The following MYH7B variants were observed in gnomAD, a reference collection of about 807,000 sequenced individuals.
MYH7B encodes myosin-7B.
Under a neutral mutation model 234.5 loss-of-function variants are expected in MYH7B, and 205 were observed. That is an observed-to-expected ratio of 0.87 (90% CI 0.78 to 0.98). The LOEUF (loss-of-function observed/expected upper bound fraction) is 0.98. Among genes scored for constraint, MYH7B ranks in the 50% least tolerant of loss-of-function variants. The probability of loss-of-function intolerance (pLI) is 0.00; values close to 1 mark genes in which losing one functional copy is unlikely to be tolerated. For missense variants in MYH7B, 2,652 were observed against 2,633.4 expected, an observed-to-expected ratio of 1.01 and a Z score of -0.15; for synonymous variants, 1,193 against 1,105.0, an observed-to-expected ratio of 1.08 and a Z score of -1.58.
chr20:34,980,670 C>T lies in MYH7B; in HGVS notation c.435C>T (p.Arg145=), dbSNP rs368402495. The T allele has an allele frequency of 6.6e-5, 107 of 1,614,094 alleles. No homozygotes were observed. The highest frequency in any genetic ancestry group is 8.6e-5 in the Non-Finnish European group (101 of 1,180,036). The change falls in exon 8 of 45, where the codon CGC becomes CGT. Residue 145 remains arginine, a synonymous_variant. Transcript: ENST00000262873. The stretch of plus-strand genomic sequence containing the variant: ...TAGTGGCTGCTTACAAGGGAAAGCG[C>T]CGCTCAGATTCCCCGCCCCATATAT...
At chr20:34,995,541 C>G in exon 28 of MYH7B, 1 of 1,614,130 alleles carries the variant, frequency 6.2e-7, no homozygotes, top group Non-Finnish European at 8.5e-7. Flanking sequence ...CTGACACTGG[C>G]CAAAGCTGAG....
At chr20:34,996,821 T>C in intron 30 of MYH7B, 63 bp downstream of exon 30, 2 of 1,561,244 alleles carry the variant, frequency 1.3e-6, no homozygotes, top group Non-Finnish European at 1.7e-6. Context: ...TGTTCCCTTC[T>C]GGATTCTTGT....
chr20:34,967,058 G>A (rs764018951), intron 2 of MYH7B, among the ~76,000 whole-genome samples: 9 of 150,612 alleles, frequency 6.0e-5, no homozygotes, highest in South Asian at 2.1e-4. Flanking sequence ...GTGAAACCCC[G>A]TCTCTACTAA....
At chr20:34,998,815 C>G (rs781612486) in exon 35 of MYH7B, 1 of 1,612,948 alleles carries the variant, frequency 6.2e-7, no homozygotes, top group Non-Finnish European at 8.5e-7. Flanking sequence ...CCAGGCTGAG[C>G]TGCAGCGGCT....
rs17092206 is a variant in MYH7B at position 34,998,844 on chromosome 20, C to T, written c.4119C>T (p.Ala1373=). 8.3e-3 allele frequency: 13,446 copies of T among 1,613,232 alleles called. 928 individuals are homozygous for T. The African/African-American group carries it at 0.16, about 19-fold the overall frequency. Residue 1373 remains alanine, a synonymous_variant, in exon 35 of 45, where the codon GCC becomes GCT. Transcript: ENST00000262873. Reference sequence around the variant, plus strand: ...AGCGGCTGCTGTCCAAGGCCAATGCCGAGGTGGCCCAGTGGAGGAGCAAGT... The same window carrying T: ...AGCGGCTGCTGTCCAAGGCCAATGCTGAGGTGGCCCAGTGGAGGAGCAAGT...
intron 2 of MYH7B, among the ~76,000 whole-genome samples, chr20:34,959,886 C>T (rs1600401539): frequency 6.6e-6 from 1 of 152,216 alleles, no homozygotes. Flanking sequence ...CGTTATCTCA[C>T]TTTCCCTTAC....
chr20:34,997,199 C>T, intron 31 of MYH7B, 26 bp downstream of exon 31: 1 of 1,551,406 alleles, frequency 6.4e-7, no homozygotes. Flanking sequence ...GTGGGTGAGG[C>T]CTGGGGTCAG....
intron 3 of MYH7B, among the ~76,000 whole-genome samples, chr20:34,976,467 C>T (rs1407394086): frequency 6.6e-6 from 1 of 152,182 alleles, no homozygotes; most frequent in Non-Finnish European, 1.5e-5. Context: ...TGTGGCGTCA[C>T]GGAGCCCTGA....
At chr20:34,982,403 G>A in intron 9 of MYH7B, 56 bp from the exon 10 acceptor site, 1 of 1,487,586 alleles carries the variant, frequency 6.7e-7, no homozygotes, top group East Asian at 2.3e-5. Context: ...AGGCATTGGG[G>A]GTGGGGGAGA....
intron 19 of MYH7B, among the ~76,000 whole-genome samples, chr20:34,988,803 T>TC (rs202037927): frequency 8.1e-6 from 1 of 123,874 alleles, no homozygotes; most frequent in African/African-American, 3.5e-5. Context: ...AAATCCTTTA[T>TC]CCCTTTTTTT....
At chr20:34,980,995 C>G (rs200034113) in intron 8 of MYH7B, 38 bp from the exon 9 acceptor site, 23 of 1,614,156 alleles carry the variant, frequency 1.4e-5, no homozygotes, top group Admixed American at 3.3e-5. Flanking sequence ...TGGCCCCACA[C>G]CTTGGCTGAC....
chr20:34,990,812 G>T, exon 23 of MYH7B: 1 of 1,614,150 alleles, frequency 6.2e-7, no homozygotes, highest in Non-Finnish European at 8.5e-7. Context: ...TCCCCAACGA[G>T]AACAAAACCC....
chr20:35,001,802 C>A, intron 43 of MYH7B, 146 bp from the exon 44 acceptor site: 1 of 1,304,190 alleles, frequency 7.7e-7, no homozygotes, highest in Non-Finnish European at 1.1e-6. Flanking sequence ...TCCTTATTCC[C>A]GCTGTGGTAT....
exon 36 of MYH7B, chr20:34,999,311 T>C: frequency 6.3e-7 from 1 of 1,579,772 alleles, no homozygotes; most frequent in Non-Finnish European, 8.6e-7. Flanking sequence ...GGGAGTCCCG[T>C]GGCCTGGGCA....
At position 34,994,383 on chromosome 20, in the gene MYH7B, G is replaced by C. The variant is rs374955975; in HGVS notation, c.2682G>C (p.Leu894=). The C allele has an allele frequency of 1.8e-5, 28 of 1,585,774 alleles. No homozygotes were observed. The African/African-American group carries it at 3.4e-4, about 19-fold the overall frequency. The change falls in exon 27 of 45, where the codon CTG becomes CTC. Residue 894 remains leucine, a synonymous_variant. Transcript: ENST00000262873. Reference sequence around the variant, plus strand: ...GCATCACCCAGGAGAAGAATGACCTGGCCCTGCAGCTGCAGGCTGTGAGTC... The same window carrying C: ...GCATCACCCAGGAGAAGAATGACCTCGCCCTGCAGCTGCAGGCTGTGAGTC...
chr20:34,960,781 G>A (rs2081689550), intron 2 of MYH7B, among the ~76,000 whole-genome samples: 1 of 152,246 alleles, frequency 6.6e-6, no homozygotes, highest in Non-Finnish European at 1.5e-5. Flanking sequence ...GGAAATGCCT[G>A]TGGAATCAAA....
At chr20:34,996,893 G>A in intron 30 of MYH7B, 135 bp downstream of exon 30, 2 of 1,368,744 alleles carry the variant, frequency 1.5e-6, no homozygotes, top group Non-Finnish European at 2.0e-6. Flanking sequence ...TGGGGTGCAG[G>A]GGTAGTGTCT....
intron 2 of MYH7B, among the ~76,000 whole-genome samples, chr20:34,959,868 T>G (rs937609475): frequency 1.3e-5 from 2 of 152,218 alleles, no homozygotes; most frequent in African/African-American, 4.8e-5. Flanking sequence ...GGCTAATGAC[T>G]TTACAGTCGT....
At position 34,987,539 on chromosome 20, in the gene MYH7B, C is replaced by T; in HGVS notation, c.1148-18C>T. 1 of 1,498,640 alleles carries T rather than the reference C, an allele frequency of 6.7e-7. No individual in the cohort carries two copies. Among genetic ancestry groups the T allele is most frequent in the South Asian group, 1.2e-5 (1 of 86,574 alleles). 92.8% of individuals were successfully genotyped at this position (1,498,640 alleles called of 1,614,324 possible). A position where few individuals can be genotyped will look rare whatever the true frequency, so the allele number is the denominator to read the frequency against. On this transcript the variant is annotated intron_variant, in intron 16 of 44. Transcript: ENST00000262873. ...CATGGTGGTGTCCTCCTCCCTTACC[C>T]CACTCGTGCCCTGCCAGGTGCTGAC... is the stretch of plus-strand genomic sequence containing the variant.
Sources: allele counts gnomAD v4.1 joint callset (sites outside exome capture counted in the v4.1 genomes callset), GRCh38; gene constraint gnomAD v4.1.1; transcripts MANE v1.5; gene names NCBI Gene and HGNC (gene_info 2026-07-23, HGNC 2026-07-21).